The following EFL1 variants were observed in gnomAD, a reference collection of about 807,000 sequenced individuals.
EFL1 encodes the protein elongation factor like GTPase 1.
Under a neutral mutation model 126.7 loss-of-function variants are expected in EFL1, and 76 were observed. That is an observed-to-expected ratio of 0.60 (90% CI 0.50 to 0.73). The LOEUF is 0.73. EFL1 is among the 30% of genes least tolerant of loss of function. The probability of loss-of-function intolerance (pLI) is 0.00; values close to 1 mark genes in which losing one functional copy is unlikely to be tolerated. For missense variants in EFL1, 1,128 were observed against 1,343.2 expected (o/e 0.84, Z 2.50); for synonymous variants, 410 against 448.4 (o/e 0.91, Z 1.08).
intron 18 of EFL1, among the ~76,000 whole-genome samples, chr15:82,149,706 A>C (rs1263800907): frequency 2.0e-5 from 3 of 152,240 alleles, no homozygotes; most frequent in African/African-American, 7.2e-5. Flanking sequence ...AAAACTAGAA[A>C]ACTAATGATT....
At position 82,152,212 on chromosome 15, in the gene EFL1, G is replaced by A. The variant is rs1358377910; in HGVS notation, c.2242C>T (p.Leu748Phe). 3.1e-6 allele frequency: 5 copies of A among 1,614,092 alleles called. No homozygotes were observed. Among genetic ancestry groups the A allele is most frequent in the Non-Finnish European group, 4.2e-6 (5 of 1,180,054 alleles). ...ATGGCTCGAACACTGAGCGTGGCAA[G>A]TTTATTGGGAGTTGTTATGGTGATT... ...GLITITTPNK[L>F]ATLSVRAMPL... Residue 748 changes from leucine to phenylalanine, a missense_variant, in exon 18 of 20, where the codon CTT becomes TTT. Physicochemically the swap from Leu to Phe is conservative, Grantham distance 22. This residue lies in a region of EFL1 where 561 missense variants were observed against 641.7 expected (regional missense o/e 0.87). Coordinates refer to ENST00000268206, the MANE Select transcript of EFL1 (RefSeq NM_024580.6).
intron 14 of EFL1, among the ~76,000 whole-genome samples, chr15:82,218,703 C>A (rs2074677137): frequency 6.6e-6 from 1 of 152,174 alleles, no homozygotes; most frequent in African/African-American, 2.4e-5. Context: ...CCTATACACA[C>A]CAAGTGCTGC....
chr15:82,193,935 G>A (rs2455061), intron 15 of EFL1, among the ~76,000 whole-genome samples: 1 of 151,998 alleles, frequency 6.6e-6, no homozygotes, highest in Admixed American at 6.6e-5. Flanking sequence ...CAGTGCTGTC[G>A]CTAACACGGT....
At chr15:82,254,138 C>T (rs938535900) in intron 3 of EFL1, among the ~76,000 whole-genome samples, 10 of 152,304 alleles carry the variant, frequency 6.6e-5, no homozygotes, top group Middle Eastern at 3.4e-3. Flanking sequence ...TGACCTCTGG[C>T]GAAACGCAAT....
chr15:82,151,318 G>A lies in EFL1; in HGVS notation c.2989+147C>T, dbSNP rs184605011. ...TGAGAGGATTGCTTGAGCCTGGTAG[G>A]CAGAGGTTGCAGTGAGCCGAGATTG... On this transcript the variant is annotated intron_variant, in intron 18 of 19. Coordinates refer to ENST00000268206, the MANE Select transcript of EFL1 (RefSeq NM_024580.6). The A allele has an allele frequency of 2.9e-4, 209 of 731,608 alleles. 1 individual carries two copies. The highest frequency in any genetic ancestry group is 2.2e-3 in the Middle Eastern group (6 of 2,734). 45.3% of individuals were successfully genotyped at this position (731,608 alleles called of 1,614,324 possible). A position where few individuals can be genotyped will look rare whatever the true frequency, so the allele number is the denominator to read the frequency against.
At position 82,130,574 on chromosome 15, in the gene EFL1, G is replaced by A. The variant is rs748210903; in HGVS notation, c.3175-13C>T. The A allele has an allele frequency of 6.2e-7, 1 of 1,612,710 alleles. No homozygotes were observed. Among genetic ancestry groups the A allele is most frequent in the Non-Finnish European group, 8.5e-7 (1 of 1,179,404 alleles). ...CACTGGGAATGATCTTGTAAAAGAAGATGACAGAATGTGCAAGGTTAGGCA... is the reference window on the plus strand; with the variant it reads ...CACTGGGAATGATCTTGTAAAAGAAAATGACAGAATGTGCAAGGTTAGGCA... On this transcript the variant is annotated splice_polypyrimidine_tract_variant and intron_variant, in intron 19 of 19. Coordinates refer to ENST00000268206, the MANE Select transcript of EFL1 (RefSeq NM_024580.6).
intron 18 of EFL1, among the ~76,000 whole-genome samples, chr15:82,148,011 C>T (rs1423068658): frequency 6.6e-6 from 1 of 152,088 alleles, no homozygotes; most frequent in Non-Finnish European, 1.5e-5. Flanking sequence ...ATGAGTGGGA[C>T]CAGAAGTGTT....
Position 82,249,024 on chromosome 15 carries a change from C to CAT in EFL1, c.244+3665_244+3666dup, listed in dbSNP as rs199550834. 7.1e-3 allele frequency among the ~76,000 whole-genome samples: 1,077 copies of CAT among 152,184 alleles called. 21 individuals are homozygous for CAT. Among genetic ancestry groups the CAT allele is most frequent in the African/African-American group, 0.025 (1,029 of 41,466 alleles). On this transcript the variant is annotated intron_variant, in intron 4 of 19. Coordinates refer to ENST00000268206, the MANE Select transcript of EFL1 (RefSeq NM_024580.6). The stretch of plus-strand genomic sequence containing the variant: ...AGTTACCTCACAGTGTGTGCATACA[C>CAT]ATACAACTTGCATTAAATATAAAAA...
intron 16 of EFL1, among the ~76,000 whole-genome samples, chr15:82,158,905 G>A (rs1273792128): frequency 6.6e-6 from 1 of 152,206 alleles, no homozygotes; most frequent in African/African-American, 2.4e-5. Flanking sequence ...TGAGGAAACA[G>A]GTATAGAGAA....
chr15:82,211,424 G>A (rs1321729156), intron 15 of EFL1, among the ~76,000 whole-genome samples: 6 of 151,752 alleles, frequency 4.0e-5, no homozygotes, highest in Non-Finnish European at 5.9e-5. Context: ...TACTCAGGAG[G>A]CTTAGGCAGA....
At chr15:82,198,120 T>A (rs959614407) in intron 15 of EFL1, among the ~76,000 whole-genome samples, 1 of 152,226 alleles carries the variant, frequency 6.6e-6, no homozygotes, top group African/African-American at 2.4e-5. Flanking sequence ...CACAGGCTCA[T>A]GCATGCGCTG....
chr15:82,158,170 G>A (rs568578856), intron 16 of EFL1, among the ~76,000 whole-genome samples: 190 of 152,126 alleles, frequency 1.2e-3, no homozygotes, highest in Non-Finnish European at 2.2e-3. Flanking sequence ...ATCTTATAAC[G>A]AATGTATACA....
At chr15:82,183,490 A>G (rs1245735822) in intron 15 of EFL1, among the ~76,000 whole-genome samples, 1 of 152,146 alleles carries the variant, frequency 6.6e-6, no homozygotes, top group East Asian at 1.9e-4. Context: ...CACTGGCCCA[A>G]TTGTCCTTGC....
chr15:82,207,721 A>AT (rs200551064), intron 15 of EFL1, among the ~76,000 whole-genome samples: 48,710 of 141,774 alleles, frequency 0.34, 9,243 homozygotes, highest in African/African-American at 0.49. Context: ...TGATTGATTG[A>AT]TTTTTTTTTT....
At position 82,250,135 on chromosome 15, in the gene EFL1, G is replaced by A. The variant is rs1255449433; in HGVS notation, c.244+2556C>T. Among the ~76,000 whole-genome samples, 6 of 146,976 alleles carry A rather than the reference G, an allele frequency of 4.1e-5. 1 individual carries two copies. The highest frequency in any genetic ancestry group is 7.6e-5 in the African/African-American group (3 of 39,234). ...CTCCCATCTAGGTTCCCCTTCAGAC[G>A]TCCCACCTTCAGAACAGGAAATACC... On this transcript the variant is annotated intron_variant, in intron 4 of 19. Transcript: ENST00000268206.
At chr15:82,213,825 C>T (rs11857208) in intron 15 of EFL1, among the ~76,000 whole-genome samples, 101,174 of 152,062 alleles carry the variant, frequency 0.67, 35,398 homozygotes, top group African/African-American at 0.89. Context: ...TAGGTAACAC[C>T]GATGAGAAGC....
chr15:82,132,767 G>C (rs1001332258), intron 19 of EFL1, among the ~76,000 whole-genome samples: 1 of 151,786 alleles, frequency 6.6e-6, no homozygotes, highest in African/African-American at 2.4e-5. Flanking sequence ...AGGAGGAGTG[G>C]GGAGGAAGCT....
intron 3 of EFL1, among the ~76,000 whole-genome samples, chr15:82,257,478 T>A (rs961017265): frequency 2.0e-5 from 3 of 152,188 alleles, no homozygotes; most frequent in African/African-American, 7.2e-5. Context: ...AGGTCAAAAG[T>A]GTCAAATGTT....
intron 19 of EFL1, among the ~76,000 whole-genome samples, chr15:82,135,610 G>A (rs2073712350): frequency 6.6e-6 from 1 of 152,094 alleles, no homozygotes; most frequent in Non-Finnish European, 1.5e-5. Context: ...ACATGATTGG[G>A]TACAGCTGTA....
Sources: gnomAD v4.1 joint callset for allele counts (sites outside exome capture counted in the v4.1 genomes callset) on GRCh38, gnomAD v4.1.1 for gene constraint, gnomAD v4.1.1 regional missense constraint, MANE v1.5 for transcripts, NCBI Gene and HGNC (gene_info 2026-07-23, HGNC 2026-07-21) for gene names.